The following ABAT variants were observed in gnomAD, a reference collection of about 807,000 sequenced individuals.
The protein encoded by ABAT is 4-aminobutyrate aminotransferase, mitochondrial.
Under a neutral mutation model 64.6 loss-of-function variants are expected in ABAT, and 45 were observed. The observed-to-expected ratio is 0.70, with a 90% CI of 0.55 to 0.89. ABAT has a LOEUF of 0.89. Ranked by LOEUF, ABAT falls within the 40% of genes least tolerant of loss-of-function variation. The pLI is 0.00. For synonymous variants in ABAT, 297 were observed against 250.5 expected, an observed-to-expected ratio of 1.19 and a Z score of -1.75; for missense variants, 633 against 658.4, an observed-to-expected ratio of 0.96 and a Z score of 0.42.
At chr16:8,741,856 A>G (rs905891305) in intron 2 of ABAT, among the ~76,000 whole-genome samples, 6 of 152,214 alleles carry the variant, frequency 3.9e-5, no homozygotes, top group Non-Finnish European at 7.3e-5. Flanking sequence ...GTCACTTAAC[A>G]TCTCTGATCC....
chr16:8,737,517 ATTT>A (rs892391554), intron 2 of ABAT: 13 of 151,950 alleles, frequency 8.6e-5, no homozygotes, highest in Admixed American at 7.9e-4. Flanking sequence ...TTTTTTAAAA[ATTT>A]TAGATTTACA....
In ABAT at chr16:8,716,211, T is replaced by C. The variant is rs150855882; in HGVS notation, c.-41-19488T>C. On this transcript the variant is annotated intron_variant, in intron 1 of 15. Transcript: ENST00000268251. ...CCACATTATGCCCCCACCCCCTGTT[T>C]TGTGAAATTTAGTACTAAAGATACT... Among the ~76,000 whole-genome samples, 9 of 152,236 alleles carry C rather than the reference T, an allele frequency of 5.9e-5. No individual in the cohort carries two copies. In the East Asian group the frequency reaches 1.5e-3, roughly 26 times the overall value.
intron 1 of ABAT, among the ~76,000 whole-genome samples, chr16:8,727,600 C>G (rs759383493): frequency 2.0e-5 from 3 of 152,190 alleles, no homozygotes; most frequent in Non-Finnish European, 2.9e-5. Flanking sequence ...TGACAGTGAA[C>G]TGGAAAATTT....
chr16:8,756,452 C>T (rs1242911826), intron 5 of ABAT, among the ~76,000 whole-genome samples: 6 of 151,194 alleles, frequency 4.0e-5, no homozygotes, highest in Non-Finnish European at 7.4e-5. Flanking sequence ...TAGAACCTGC[C>T]GGTTTGTTAC....
At chr16:8,724,027 G>C (rs2058462115) in intron 1 of ABAT, among the ~76,000 whole-genome samples, 1 of 151,268 alleles carries the variant, frequency 6.6e-6, no homozygotes, top group Non-Finnish European at 1.5e-5. Context: ...TTTTAGTAGA[G>C]ACAGGATTTC....
Position 8,750,455 on chromosome 16 carries a change from G to T in ABAT, c.232G>T (p.Glu78Ter). ...AEAVHFFCNY[E>*]ESRGNYLVDV... is the part of the protein sequence containing the mutation. Reference sequence around the variant, plus strand: ...GGCTGTGCATTTTTTCTGCAATTACGAAGAGAGCCGAGGCAATTACCTGGT... The same window carrying T: ...GGCTGTGCATTTTTTCTGCAATTACTAAGAGAGCCGAGGCAATTACCTGGT... The change falls in exon 5 of 16, where the codon GAA becomes TAA. Residue 78 changes from glutamate to a stop codon, truncating the protein, a stop_gained. Coordinates refer to ENST00000268251, the MANE Select transcript of ABAT (RefSeq NM_020686.6). LOFTEE classifies it high-confidence loss of function. 6.2e-7 allele frequency: 1 copy of T among 1,614,140 alleles called. No homozygotes were observed. Among genetic ancestry groups the T allele is most frequent in the Non-Finnish European group, 8.5e-7 (1 of 1,180,020 alleles).
chr16:8,702,854 G>A (rs2057855911), intron 1 of ABAT, among the ~76,000 whole-genome samples: 1 of 152,122 alleles, frequency 6.6e-6, no homozygotes, highest in Non-Finnish European at 1.5e-5. Context: ...CCCATGAGAG[G>A]AGAAGGTTGA....
At chr16:8,685,307 G>A (rs2057428167) in intron 1 of ABAT, among the ~76,000 whole-genome samples, 1 of 151,776 alleles carries the variant, frequency 6.6e-6, no homozygotes, top group African/African-American at 2.4e-5. Flanking sequence ...ATGAACAAGT[G>A]AACAAGGCTA....
At chr16:8,726,918 T>C (rs2058574758) in intron 1 of ABAT, among the ~76,000 whole-genome samples, 1 of 152,238 alleles carries the variant, frequency 6.6e-6, no homozygotes, top group Non-Finnish European at 1.5e-5. Context: ...TTTGTAGTTT[T>C]GATTTGCCTT....
At chr16:8,756,059 C>G (rs375131614) in intron 5 of ABAT, among the ~76,000 whole-genome samples, 1 of 145,374 alleles carries the variant, frequency 6.9e-6, no homozygotes, top group East Asian at 2.0e-4. Context: ...AAAAAAAAAA[C>G]AAAATTAGCC....
chr16:8,706,581 G>A (rs942297224), intron 1 of ABAT, among the ~76,000 whole-genome samples: 2 of 151,972 alleles, frequency 1.3e-5, no homozygotes, highest in African/African-American at 4.8e-5. Flanking sequence ...GGGTGTGGTG[G>A]CACGCTCCTG....
At chr16:8,720,638 G>A (rs2058342207) in intron 1 of ABAT, 1 of 152,308 alleles carries the variant, frequency 6.6e-6, no homozygotes, top group Admixed American at 6.5e-5. Flanking sequence ...CATCTGCACA[G>A]GCCCACGGCT....
chr16:8,710,826 C>T (rs1730947), intron 1 of ABAT, among the ~76,000 whole-genome samples: 24,418 of 152,058 alleles, frequency 0.16, 2,160 homozygotes, highest in Middle Eastern at 0.26. Flanking sequence ...CTTTCCAAGC[C>T]TCCAAAGTTT....
At chr16:8,708,994 C>A (rs924247023) in intron 1 of ABAT, among the ~76,000 whole-genome samples, 2 of 152,040 alleles carry the variant, frequency 1.3e-5, no homozygotes, top group Non-Finnish European at 2.9e-5. Flanking sequence ...ACCAAGTGCC[C>A]GAAATGGGGC....
chr16:8,701,663 C>G (rs967715219), intron 1 of ABAT, among the ~76,000 whole-genome samples: 2 of 152,166 alleles, frequency 1.3e-5, no homozygotes, highest in African/African-American at 4.8e-5. Context: ...AATGAGGGAG[C>G]TTGCATTGTT....
intron 1 of ABAT, chr16:8,713,532 C>A (rs924203414): frequency 2.0e-5 from 4 of 196,468 alleles, no homozygotes; most frequent in Non-Finnish European, 4.3e-5. Flanking sequence ...CTTTCTGAAT[C>A]CATCTTTCAG....
Position 8,782,632 on chromosome 16 carries a change from G to A in ABAT, c.*1202G>A, listed in dbSNP as rs75730008. 6.7e-3 allele frequency: 1,022 copies of A among 152,394 alleles called. 3 individuals are homozygous for A. The highest frequency in any genetic ancestry group is 0.011 in the Non-Finnish European group (756 of 68,054). The allele number at this position is 152,394 out of a possible 1,614,324, so 9.4% of individuals were successfully genotyped here. A position where few individuals can be genotyped will look rare whatever the true frequency, so the allele number is the denominator to read the frequency against. On this transcript the variant is annotated 3_prime_UTR_variant, in exon 16 of 16. Coordinates refer to ENST00000268251, the MANE Select transcript of ABAT (RefSeq NM_020686.6). ...GATGACTGAGTATGGAGATTACCAG[G>A]CAGATGATACCGAAATGCTTAAAGG...
At chr16:8,678,425 T>C (rs1049984661) in intron 1 of ABAT, among the ~76,000 whole-genome samples, 1 of 152,218 alleles carries the variant, frequency 6.6e-6, no homozygotes, top group Admixed American at 6.5e-5. Flanking sequence ...AGCACTGTTG[T>C]GTCTATGACA....
intron 1 of ABAT, among the ~76,000 whole-genome samples, chr16:8,726,217 CATG>C (rs1380504965): frequency 1.3e-5 from 2 of 150,720 alleles, no homozygotes; most frequent in African/African-American, 4.9e-5. Context: ...TTTCACTTAA[CATG>C]ATGATCTCCA....
Sources: allele counts gnomAD v4.1 joint callset (sites outside exome capture counted in the v4.1 genomes callset), GRCh38; gene constraint gnomAD v4.1.1; transcripts MANE v1.5; gene names NCBI Gene and HGNC (gene_info 2026-07-23, HGNC 2026-07-21).